The following SLC39A8 variants were observed in gnomAD, a reference collection of about 807,000 sequenced individuals.
SLC39A8 encodes solute carrier family 39 member 8.
In SLC39A8, 15 loss-of-function variants were observed where a neutral mutation model predicts 40.4. The observed-to-expected ratio is 0.37, with a 90% CI of 0.25 to 0.57. The LOEUF is 0.57. Ranked by LOEUF, SLC39A8 falls within the 20% of genes least tolerant of loss-of-function variation. The pLI is 0.75. For synonymous variants in SLC39A8, 223 were observed against 221.6 expected (o/e 1.01, Z -0.06); for missense variants, 472 against 558.8 (o/e 0.84, Z 1.57).
At chr4:102,309,191 G>A (rs1050547830) in intron 3 of SLC39A8, among the ~76,000 whole-genome samples, 16 of 151,854 alleles carry the variant, frequency 1.1e-4, no homozygotes, top group African/African-American at 3.9e-4. Context: ...CCTAGATGAC[G>A]TGGACCAAAC....
At chr4:102,257,424 G>T (rs572308721), downstream of SLC39A8, among the ~76,000 whole-genome samples, 1 of 152,186 alleles carries the variant, frequency 6.6e-6, no homozygotes, top group Non-Finnish European at 1.5e-5. Context: ...AGGAAAACAA[G>T]CTGGGCCTTA....
Position 102,344,536 on chromosome 4 carries a change from G to A in SLC39A8, c.127C>T (p.Leu43=), listed in dbSNP as rs541959303. 6.4e-7 allele frequency: 1 copy of A among 1,559,168 alleles called. No individual in the cohort carries two copies. Among genetic ancestry groups the A allele is most frequent in the South Asian group, 1.2e-5 (1 of 84,444 alleles). The change falls in exon 2 of 9, where the codon CTG becomes TTG. Residue 43 remains leucine (L), a synonymous_variant. Coordinates refer to ENST00000356736, the MANE Select transcript of SLC39A8 (RefSeq NM_001135146.2). ...AAGTGCTGGAGCTGCGCCGCCGACA[G>A]GCTCAGATTCGCGCCGAACACGCTC... is the stretch of plus-strand genomic sequence containing the variant. The part of the protein sequence containing the change: ...VLSVFGANLS[L]SAAQLQHLLE...
At chr4:102,294,350 T>G (rs920967541) in intron 6 of SLC39A8, among the ~76,000 whole-genome samples, 3 of 152,010 alleles carry the variant, frequency 2.0e-5, no homozygotes, top group African/African-American at 7.2e-5. Context: ...TTAGCAAGAA[T>G]CCCCTCATCC....
At chr4:102,317,630 G>T (rs555299610) in intron 2 of SLC39A8, among the ~76,000 whole-genome samples, 1 of 152,126 alleles carries the variant, frequency 6.6e-6, no homozygotes, top group Non-Finnish European at 1.5e-5. Context: ...AGCCCTTGTG[G>T]TTCAACTGGA....
At chr4:102,282,974 C>G (rs1732971205) in intron 6 of SLC39A8, among the ~76,000 whole-genome samples, 1 of 152,204 alleles carries the variant, frequency 6.6e-6, no homozygotes, top group African/African-American at 2.4e-5. Context: ...GATCCACCTG[C>G]CTCAGCCTCC....
chr4:102,262,878 C>G lies in SLC39A8; in HGVS notation c.*166G>C, dbSNP rs1007033624. On this transcript the variant is annotated 3_prime_UTR_variant, in exon 9 of 9. Transcript: ENST00000356736. The stretch of plus-strand genomic sequence containing the variant: ...AAACCTTTTGAAGCATTTTTAACAA[C>G]AAATAATGGACTATTTCACAGACTG... The G allele has an allele frequency of 2.2e-6, 3 of 1,374,024 alleles. No homozygotes were observed. Among genetic ancestry groups the G allele is most frequent in the African/African-American group, 1.5e-5 (1 of 67,818 alleles). The allele number at this position is 1,374,024 out of a possible 1,614,324, so 85.1% of individuals were successfully genotyped here.
At chr4:102,251,238 A>G (rs1731578830) in exon 12 of SLC39A8, 1 of 152,202 alleles carries the variant, frequency 6.6e-6, no homozygotes, top group Non-Finnish European at 1.5e-5. Flanking sequence ...CCTTCTAGCT[A>G]CTTGAAACTA....
chr4:102,334,947 G>A (rs1207538721), intron 2 of SLC39A8, among the ~76,000 whole-genome samples: 1 of 152,164 alleles, frequency 6.6e-6, no homozygotes, highest in Non-Finnish European at 1.5e-5. Context: ...AGGATGCCTG[G>A]AACACAAGAA....
chr4:102,288,481 A>G (rs961282753), intron 6 of SLC39A8, among the ~76,000 whole-genome samples: 3 of 152,124 alleles, frequency 2.0e-5, no homozygotes, highest in Admixed American at 2.0e-4. Context: ...GATCAGGTAA[A>G]AGGAGAATTG....
intron 2 of SLC39A8, among the ~76,000 whole-genome samples, chr4:102,339,817 A>G (rs1259918173): frequency 2.0e-5 from 3 of 152,070 alleles, no homozygotes; most frequent in Admixed American, 1.3e-4. Context: ...GACCCACTCC[A>G]ATACATTCCA....
At chr4:102,336,444 A>G (rs748037163) in intron 2 of SLC39A8, among the ~76,000 whole-genome samples, 2 of 152,242 alleles carry the variant, frequency 1.3e-5, no homozygotes, top group Admixed American at 1.3e-4. Flanking sequence ...CTCACCAAAT[A>G]AATTGGTTAC....
intron 2 of SLC39A8, among the ~76,000 whole-genome samples, chr4:102,338,242 A>G (rs1233172910): frequency 6.9e-6 from 1 of 144,714 alleles, no homozygotes; most frequent in Non-Finnish European, 1.5e-5. Context: ...GCTGGAGTGC[A>G]GTGGCGCCAT....
chr4:102,317,445 A>C (rs1734712808), intron 2 of SLC39A8, among the ~76,000 whole-genome samples: 1 of 152,146 alleles, frequency 6.6e-6, no homozygotes, highest in Admixed American at 6.6e-5. Context: ...ATAGAAGAGG[A>C]TACACCACAC....
intron 6 of SLC39A8, among the ~76,000 whole-genome samples, chr4:102,274,570 G>A (rs967755129): frequency 2.0e-5 from 3 of 152,132 alleles, no homozygotes; most frequent in African/African-American, 7.2e-5. Flanking sequence ...TAGCAAGATA[G>A]GCCAAAATTC....
intron 11 of SLC39A8, among the ~76,000 whole-genome samples, chr4:102,256,260 C>G (rs1198555209): frequency 2.0e-5 from 3 of 152,184 alleles, no homozygotes; most frequent in Non-Finnish European, 4.4e-5. Flanking sequence ...CTCAGATATT[C>G]CACGTAGCAC....
chr4:102,279,111 G>A lies in SLC39A8; in HGVS notation c.841-11032C>T, dbSNP rs187231357. ...GTATACCTATATAACAAACCTACAC[G>A]TTCTGCACATGTATCCCAAAACTTT... On this transcript the variant is annotated intron_variant, in intron 6 of 8. Coordinates refer to ENST00000356736, the MANE Select transcript of SLC39A8 (RefSeq NM_001135146.2). Among the ~76,000 whole-genome samples, 394 of 151,348 alleles carry A rather than the reference G, an allele frequency of 2.6e-3. 2 individuals are homozygous for A. Among genetic ancestry groups the A allele is most frequent in the South Asian group, 7.8e-3 (37 of 4,772 alleles).
intron 2 of SLC39A8, among the ~76,000 whole-genome samples, chr4:102,338,017 G>A (rs1052390104): frequency 1.3e-5 from 2 of 152,006 alleles, no homozygotes; most frequent in South Asian, 2.1e-4. Context: ...TTTTCCATGA[G>A]GCATTTCCAA....
chr4:102,338,186 CTT>C (rs568941438), intron 2 of SLC39A8, among the ~76,000 whole-genome samples: 10 of 131,150 alleles, frequency 7.6e-5, no homozygotes, highest in East Asian at 4.3e-4. Context: ...CATCTTATTT[CTT>C]TTTTTTTTTT....
intron 6 of SLC39A8, among the ~76,000 whole-genome samples, chr4:102,296,956 C>T (rs1217418450): frequency 6.6e-6 from 1 of 152,104 alleles, no homozygotes; most frequent in Non-Finnish European, 1.5e-5. Context: ...GGATTAGGAA[C>T]ATAGCTTGTG....
Sources: gnomAD v4.1 joint callset for allele counts (sites outside exome capture counted in the v4.1 genomes callset) on GRCh38, gnomAD v4.1.1 for gene constraint, MANE v1.5 for transcripts, NCBI Gene and HGNC (gene_info 2026-07-23, HGNC 2026-07-21) for gene names.